SUGCT: variants seen among roughly 807,000 people sequenced by gnomAD.
The protein encoded by SUGCT is succinyl-CoA:glutarate-CoA transferase.
In SUGCT, 41 loss-of-function variants were observed where a neutral mutation model predicts 55.0. The observed-to-expected ratio is 0.74, with a 90% CI of 0.58 to 0.97. The LOEUF (loss-of-function observed/expected upper bound fraction) is 0.97, where lower values mean the gene tolerates loss of function less well. Among genes scored for constraint, SUGCT ranks in the 50% least tolerant of loss-of-function variants. The pLI is 0.00. For missense variants in SUGCT, 568 were observed against 547.8 expected (o/e 1.04, Z -0.37); for synonymous variants, 187 against 200.4 (o/e 0.93, Z 0.56).
At chr7:40,141,753 T>C (rs867380185) in intron 1 of SUGCT, 22 of 277,184 alleles carry the variant, frequency 7.9e-5, no homozygotes, top group African/African-American at 4.2e-4. Context: ...CAGTAGCCCA[T>C]GTTATAAATA....
At chr7:40,676,734 G>T (rs915479916) in intron 12 of SUGCT, among the ~76,000 whole-genome samples, 3 of 151,832 alleles carry the variant, frequency 2.0e-5, no homozygotes, top group Admixed American at 6.6e-5. Flanking sequence ...AACTCCTGAC[G>T]TCAGGTGATC....
At chr7:40,296,612 CGTGTGTGTGTGTGTGTGTGTGTGT>C (rs10528858) in intron 8 of SUGCT, among the ~76,000 whole-genome samples, 1 of 144,824 alleles carries the variant, frequency 6.9e-6, no homozygotes, top group Admixed American at 6.9e-5. Context: ...GTGAGTGACT[CGTGTGTGTGTGTGTGTGTGTGTGT>C]GTGTGTGTGT....
chr7:40,658,898 A>G lies in SUGCT; in HGVS notation c.1090-90536A>G, dbSNP rs902195132. Among the ~76,000 whole-genome samples, 3 of 152,012 alleles carry G rather than the reference A, an allele frequency of 2.0e-5. No individual in the cohort carries two copies. The South Asian group carries it at 6.2e-4, about 32-fold the overall frequency. On this transcript the variant is annotated intron_variant, in intron 12 of 13. Coordinates refer to ENST00000335693, the MANE Select transcript of SUGCT (RefSeq NM_001193313.2). ...ACATAAGCCAAGAAAGCTACAGAAAATTTCTTCTGTTCTTTGAGGGCCCGG... is the reference window on the plus strand; with the variant it reads ...ACATAAGCCAAGAAAGCTACAGAAAGTTTCTTCTGTTCTTTGAGGGCCCGG...
At chr7:40,409,568 C>T (rs1786559865) in intron 9 of SUGCT, among the ~76,000 whole-genome samples, 2 of 152,126 alleles carry the variant, frequency 1.3e-5, no homozygotes, top group Non-Finnish European at 2.9e-5. Flanking sequence ...CCCCTGTTGT[C>T]TCTTACTACC....
At chr7:40,420,659 G>A (rs1260807552) in intron 9 of SUGCT, among the ~76,000 whole-genome samples, 3 of 152,000 alleles carry the variant, frequency 2.0e-5, no homozygotes, top group Admixed American at 2.0e-4. Flanking sequence ...TGTGTTTTAA[G>A]GAAGACTAAG....
At chr7:40,695,113 A>T (rs1353482960) in intron 12 of SUGCT, among the ~76,000 whole-genome samples, 1 of 151,998 alleles carries the variant, frequency 6.6e-6, no homozygotes, top group Admixed American at 6.5e-5. Context: ...GATGCCTTAG[A>T]CTTTCACCAT....
At chr7:40,886,403 G>A in the SUGCT span, among the ~76,000 whole-genome samples, 116 of 152,276 alleles carry the variant, frequency 7.6e-4, 4 homozygotes, top group South Asian at 0.023. Context: ...CTACTGTGGG[G>A]ATGAACACTT....
chr7:40,274,529 G>A lies in SUGCT; in HGVS notation c.593G>A (p.Arg198His), dbSNP rs1792330820. The A allele has an allele frequency of 3.1e-6, 5 of 1,612,614 alleles. No homozygotes were observed. The highest frequency in any genetic ancestry group is 1.7e-5 in the Admixed American group (1 of 59,852). ...ITGPENGDPV[R>H]PGVAMTDLAT... ...TCAAATCAGAATGGAGATCCAGTTC[G>A]CCCAGGAGTAGCTATGACTGATCTT... is the stretch of plus-strand genomic sequence containing the variant. Residue 198 changes from arginine (R) to histidine (H), a missense_variant, in exon 8 of 14, where the codon CGC becomes CAC. By Grantham distance (29) the Arg-to-His change is conservative. Transcript: ENST00000335693.
chr7:40,864,551 C>T (rs1794547897), downstream of SUGCT, among the ~76,000 whole-genome samples: 1 of 152,146 alleles, frequency 6.6e-6, no homozygotes, highest in South Asian at 2.1e-4. Flanking sequence ...TTTACCCCAA[C>T]ATCCACTCAA....
intron 12 of SUGCT, among the ~76,000 whole-genome samples, chr7:40,595,725 A>T (rs1797980919): frequency 6.6e-6 from 1 of 152,002 alleles, no homozygotes; most frequent in Admixed American, 6.6e-5. Context: ...AAAATCATTT[A>T]GCTGTCCCAA....
At chr7:40,759,532 G>A (rs1277979830) in intron 13 of SUGCT, among the ~76,000 whole-genome samples, 1 of 152,072 alleles carries the variant, frequency 6.6e-6, no homozygotes, top group African/African-American at 2.4e-5. Flanking sequence ...ACCAATGTTA[G>A]TGTTGCAATT....
At position 40,188,580 on chromosome 7, in the gene SUGCT, A is replaced by C; in HGVS notation, c.312A>C (p.Lys104Asn). 6.3e-7 allele frequency: 1 copy of C among 1,595,052 alleles called. No homozygotes were observed. The highest frequency in any genetic ancestry group is 8.5e-7 in the Non-Finnish European group (1 of 1,172,462). Reference protein sequence around the residue: ...TYYLSVNRNKKSIAVNIKDPK... With the variant: ...TYYLSVNRNKNSIAVNIKDPK... The stretch of plus-strand genomic sequence containing the variant: ...ATCTCAGTGTTAACCGAAATAAAAA[A>C]GTAAGAATATCATCCCTTTTTTGCT... Residue 104 changes from lysine to asparagine, a missense_variant and splice_region_variant, in exon 4 of 14, where the codon AAA (lysine) becomes AAC (asparagine). Physicochemically the swap from Lys to Asn is moderately conservative, Grantham distance 94 (BLOSUM62 0). Transcript: ENST00000335693.
intron 12 of SUGCT, among the ~76,000 whole-genome samples, chr7:40,664,213 T>C (rs1014269648): frequency 1.3e-5 from 2 of 152,252 alleles, no homozygotes; most frequent in African/African-American, 4.8e-5. Flanking sequence ...TATTTTGTTA[T>C]AGCAGTCCTG....
At chr7:40,599,428 C>T (rs1339745153) in intron 12 of SUGCT, among the ~76,000 whole-genome samples, 1 of 152,104 alleles carries the variant, frequency 6.6e-6, no homozygotes, top group Non-Finnish European at 1.5e-5. Context: ...CTTTGAGGGT[C>T]ATATTAACTT....
the SUGCT span, among the ~76,000 whole-genome samples, chr7:40,878,451 T>A: frequency 3.9e-5 from 6 of 152,200 alleles, no homozygotes; most frequent in Non-Finnish European, 8.8e-5. Context: ...CTGGTAGGCT[T>A]CACTTTAGGG....
chr7:40,589,146 A>G (rs919002517), intron 12 of SUGCT, among the ~76,000 whole-genome samples: 1 of 151,786 alleles, frequency 6.6e-6, no homozygotes, highest in Non-Finnish European at 1.5e-5. Flanking sequence ...AAATATGTAC[A>G]TATATGTGTG....
intron 12 of SUGCT, among the ~76,000 whole-genome samples, chr7:40,641,862 C>T (rs1344885254): frequency 2.0e-5 from 3 of 152,194 alleles, no homozygotes; most frequent in Non-Finnish European, 4.4e-5. Context: ...AAATGTGACA[C>T]GGGTACCTGG....
At chr7:40,821,741 AG>A in intron 13 of SUGCT, among the ~76,000 whole-genome samples, 1 of 152,114 alleles carries the variant, frequency 6.6e-6, no homozygotes, top group East Asian at 1.9e-4. Flanking sequence ...ATTTTTTTGA[AG>A]GGTTTTTTGT....
At chr7:40,297,894 C>T (rs1436107154) in intron 8 of SUGCT, among the ~76,000 whole-genome samples, 1 of 151,900 alleles carries the variant, frequency 6.6e-6, no homozygotes, top group Non-Finnish European at 1.5e-5. Context: ...TGAATTTTGT[C>T]CCTGCCCAAA....
Sources: allele counts gnomAD v4.1 joint callset (sites outside exome capture counted in the v4.1 genomes callset), GRCh38; gene constraint gnomAD v4.1.1; transcripts MANE v1.5; gene names NCBI Gene and HGNC (gene_info 2026-07-23, HGNC 2026-07-21).